Variants in ADK observed in about 807,000 individuals in gnomAD.
ADK encodes N6,N6-dimethyladenosine kinase.
A neutral mutation model predicts 44.7 loss-of-function variants in ADK; 24 were observed. The ratio of observed to expected loss-of-function variants is 0.54; its 90% confidence interval spans 0.39 to 0.76. The LOEUF (loss-of-function observed/expected upper bound fraction) is 0.76, where lower values mean the gene tolerates loss of function less well. Ranked by LOEUF, ADK falls within the 30% of genes least tolerant of loss-of-function variation. The probability of loss-of-function intolerance (pLI) is 0.00; values close to 1 mark genes in which losing one functional copy is unlikely to be tolerated. For synonymous variants in ADK, 128 were observed against 142.6 expected (o/e 0.90, Z 0.73); for missense variants, 321 against 425.1 (o/e 0.76, Z 2.15).
intron 8 of ADK, among the ~76,000 whole-genome samples, chr10:74,594,979 CAG>C (rs1341474773): frequency 2.0e-5 from 3 of 152,016 alleles, no homozygotes; most frequent in African/African-American, 4.8e-5. Flanking sequence ...AGTTCGAGAC[CAG>C]CCTGGCCAAC....
chr10:74,344,590 T>C, intron 4 of ADK: 1 of 254,386 alleles, frequency 3.9e-6, no homozygotes. Flanking sequence ...AGCTTCATTC[T>C]GCTGAATATT....
intron 1 of ADK, chr10:74,176,867 G>C (rs1321935856): frequency 9.9e-6 from 16 of 1,609,094 alleles, no homozygotes; most frequent in Admixed American, 1.7e-5. Context: ...GCAGGAGGGC[G>C]AAGCCATGAC....
chr10:74,662,858 C>T (rs1029702131), intron 9 of ADK, among the ~76,000 whole-genome samples: 10 of 152,112 alleles, frequency 6.6e-5, no homozygotes, highest in African/African-American at 2.2e-4. Flanking sequence ...GGAAGTAATA[C>T]CTATGTAAAT....
At chr10:74,202,713 T>G (rs897666869) in intron 2 of ADK, among the ~76,000 whole-genome samples, 1 of 152,238 alleles carries the variant, frequency 6.6e-6, no homozygotes, top group African/African-American at 2.4e-5. Flanking sequence ...TATTGAAAAC[T>G]TTTGATGTTA....
chr10:74,663,235 A>AG (rs1854814440), intron 9 of ADK, among the ~76,000 whole-genome samples: 1 of 33,732 alleles, frequency 3.0e-5, no homozygotes, highest in Non-Finnish European at 6.2e-5. Context: ...ATGCTATCTC[A>AG]AAAAAAAAAA....
intron 6 of ADK, among the ~76,000 whole-genome samples, chr10:74,454,996 G>A (rs1463037429): frequency 6.6e-6 from 1 of 152,144 alleles, no homozygotes; most frequent in Non-Finnish European, 1.5e-5. Context: ...GGGACAGTCA[G>A]AGAGACCTTC....
intron 4 of ADK, among the ~76,000 whole-genome samples, chr10:74,334,667 G>A (rs1841346997): frequency 6.6e-6 from 1 of 152,128 alleles, no homozygotes; most frequent in Admixed American, 6.6e-5. Context: ...CTTTTCCGGT[G>A]ACTTGTATTG....
chr10:74,227,782 G>A (rs1844599772), intron 3 of ADK, among the ~76,000 whole-genome samples: 1 of 152,106 alleles, frequency 6.6e-6, no homozygotes, highest in African/African-American at 2.4e-5. Context: ...AGGAAAAGTT[G>A]CAGTGAGCCA....
chr10:74,620,928 A>G (rs1435529616), intron 9 of ADK, among the ~76,000 whole-genome samples: 1 of 151,536 alleles, frequency 6.6e-6, no homozygotes, highest in African/African-American at 2.4e-5. Flanking sequence ...TTTACTGTTG[A>G]GATGTTTAAG....
At chr10:74,323,817 G>T (rs973685575) in intron 4 of ADK, among the ~76,000 whole-genome samples, 1 of 151,968 alleles carries the variant, frequency 6.6e-6, no homozygotes, top group Non-Finnish European at 1.5e-5. Context: ...TGATCCGCCC[G>T]CCTTGGCCTC....
intron 7 of ADK, among the ~76,000 whole-genome samples, chr10:74,546,770 C>T (rs1849832798): frequency 6.6e-6 from 1 of 151,832 alleles, no homozygotes; most frequent in African/African-American, 2.4e-5. Flanking sequence ...TTTAGTAAAA[C>T]ATTAAAAATA....
chr10:74,202,764 G>A (rs1420628452), intron 2 of ADK, among the ~76,000 whole-genome samples: 1 of 151,712 alleles, frequency 6.6e-6, no homozygotes, highest in Non-Finnish European at 1.5e-5. Context: ...TATATCTTTG[G>A]GAAAATGTTG....
intron 1 of ADK, among the ~76,000 whole-genome samples, chr10:74,192,614 C>T (rs1056625539): frequency 6.6e-6 from 1 of 151,628 alleles, no homozygotes; most frequent in African/African-American, 2.4e-5. Flanking sequence ...ACACTACAGT[C>T]CTCCTGGGCT....
rs57958159 is a variant in ADK, at chr10:74,356,002, A to ATATTGTTTT, written c.274-38138_274-38137insATTGTTTTT. On this transcript the variant is annotated intron_variant, in intron 4 of 10. Coordinates refer to ENST00000539909, the MANE Select transcript of ADK (RefSeq NM_006721.4). ...TCTGAAATATTTCACTAAATAATTC[A>ATATTGTTTT]TTTTTTTTTTTTTTTTTTTTTTTTT... 1.4e-3 allele frequency among the ~76,000 whole-genome samples: 116 copies of ATATTGTTTT among 83,280 alleles called. 9 individuals are homozygous for ATATTGTTTT. The highest frequency in any genetic ancestry group is 4.1e-3 in the African/African-American group (81 of 19,612). The allele number at this position is 83,280 out of a possible 152,430, so 54.6% of individuals were successfully genotyped here. A position where few individuals can be genotyped will look rare whatever the true frequency, so the allele number is the denominator to read the frequency against.
intron 6 of ADK, among the ~76,000 whole-genome samples, chr10:74,425,488 T>G (rs559017599): frequency 1.3e-5 from 2 of 151,948 alleles, no homozygotes; most frequent in East Asian, 3.9e-4. Context: ...AGTGTCCTGG[T>G]AAATATTTTA....
At position 74,471,492 on chromosome 10, in the gene ADK, T is replaced by C. The variant is rs576622621; in HGVS notation, c.556-53764T>C. Among the ~76,000 whole-genome samples, 63 of 152,314 alleles carry C rather than the reference T, an allele frequency of 4.1e-4. 1 individual carries two copies. The highest frequency in any genetic ancestry group is 8.3e-4 in the South Asian group (4 of 4,828). Reference sequence around the variant, plus strand: ...AGATTGTTATGGTATTTGGGGGCCTTTGCAGTTTTATATGAATTTTAGAAT... The same window carrying C: ...AGATTGTTATGGTATTTGGGGGCCTCTGCAGTTTTATATGAATTTTAGAAT... On this transcript the variant is annotated intron_variant, in intron 6 of 10. Coordinates refer to ENST00000539909, the MANE Select transcript of ADK (RefSeq NM_006721.4).
chr10:74,600,804 C>A (rs1483349273), intron 9 of ADK, among the ~76,000 whole-genome samples: 2 of 151,834 alleles, frequency 1.3e-5, no homozygotes, highest in Non-Finnish European at 2.9e-5. Context: ...TTATAAAATA[C>A]CTGCACTAGA....
At chr10:74,537,858 A>G (rs1335592035) in intron 7 of ADK, among the ~76,000 whole-genome samples, 1 of 152,226 alleles carries the variant, frequency 6.6e-6, no homozygotes, top group Non-Finnish European at 1.5e-5. Flanking sequence ...GAAATGGGGC[A>G]GAAGAATTCA....
chr10:74,299,515 A>AAT (rs376663637), intron 3 of ADK, among the ~76,000 whole-genome samples: 86,724 of 140,146 alleles, frequency 0.62, 28,407 homozygotes, highest in Middle Eastern at 0.76. Flanking sequence ...AAAAAAAAGA[A>AAT]ATATATATAT....
Sources: gnomAD v4.1 joint callset for allele counts (sites outside exome capture counted in the v4.1 genomes callset) on GRCh38, gnomAD v4.1.1 for gene constraint, MANE v1.5 for transcripts, NCBI Gene and HGNC (gene_info 2026-07-23, HGNC 2026-07-21) for gene names.